TRPM3: variants seen among roughly 807,000 people sequenced by gnomAD.
TRPM3 encodes transient receptor potential cation channel subfamily M member 3.
A neutral mutation model predicts 181.2 loss-of-function variants in TRPM3; 77 were observed. That is an observed-to-expected ratio of 0.42 (90% CI 0.35 to 0.51). The LOEUF is 0.51. Ranked by LOEUF, TRPM3 falls within the 20% of genes least tolerant of loss-of-function variation. TRPM3 has a pLI of 0.01. For synonymous variants in TRPM3, 745 were observed against 796.4 expected (o/e 0.94, Z 1.09); for missense variants, 1,759 against 2,196.7 (o/e 0.80, Z 3.98).
chr9:70,758,621 G>A (rs938608291), intron 8 of TRPM3, among the ~76,000 whole-genome samples: 16 of 152,072 alleles, frequency 1.1e-4, no homozygotes, highest in African/African-American at 3.9e-4. Flanking sequence ...TGGTAGTGGT[G>A]CCAAAACAGA....
intron 1 of TRPM3, among the ~76,000 whole-genome samples, chr9:71,335,466 G>A (rs147846688): frequency 0.037 from 5,623 of 152,032 alleles, 190 homozygotes; most frequent in Admixed American, 0.12. Context: ...AATAGAACAC[G>A]CCCTTATAAT....
intron 1 of TRPM3, among the ~76,000 whole-genome samples, chr9:71,107,971 C>A (rs182331308): frequency 6.6e-6 from 1 of 152,232 alleles, no homozygotes; most frequent in Middle Eastern, 3.4e-3. Context: ...GCTTGTGGAA[C>A]CTTTTGTCAG....
chr9:71,193,894 A>G (rs976404066), intron 1 of TRPM3, among the ~76,000 whole-genome samples: 1 of 151,938 alleles, frequency 6.6e-6, no homozygotes. Flanking sequence ...TGTATCTCAC[A>G]TTTTCATCAT....
intron 1 of TRPM3, among the ~76,000 whole-genome samples, chr9:71,070,649 T>A (rs72731767): frequency 0.069 from 10,455 of 152,270 alleles, 379 homozygotes; most frequent in Middle Eastern, 0.1. Flanking sequence ...TCACTTTTTT[T>A]AAAAATGATG....
chr9:71,297,884 T>A (rs1406297587), intron 1 of TRPM3, among the ~76,000 whole-genome samples: 1 of 152,168 alleles, frequency 6.6e-6, no homozygotes, highest in Non-Finnish European at 1.5e-5. Flanking sequence ...TTAGCATGCC[T>A]GTAATGTAAT....
chr9:70,541,480 T>G (rs1212619174), intron 25 of TRPM3, among the ~76,000 whole-genome samples: 2 of 151,522 alleles, frequency 1.3e-5, no homozygotes, highest in African/African-American at 2.4e-5. Context: ...TACCTGTGTT[T>G]GTTTCATAAC....
intron 1 of TRPM3, among the ~76,000 whole-genome samples, chr9:71,191,772 A>G (rs1334005602): frequency 4.3e-5 from 6 of 138,156 alleles, no homozygotes; most frequent in Non-Finnish European, 7.8e-5. Flanking sequence ...CAGAGTCCCT[A>G]AAGAAACAAC....
chr9:70,618,818 CCCA>C, intron 17 of TRPM3, 46 bp downstream of exon 17: 1 of 1,546,844 alleles, frequency 6.5e-7, no homozygotes, highest in Non-Finnish European at 8.8e-7. Flanking sequence ...AAAACTCTAA[CCCA>C]CCCGCCGGTC....
At position 70,987,116 on chromosome 9, in the gene TRPM3, A is replaced by G. The variant is rs529193750; in HGVS notation, c.178-122605T>C. 6.0e-4 allele frequency among the ~76,000 whole-genome samples: 91 copies of G among 152,260 alleles called. No individual in the cohort carries two copies. In the Middle Eastern group the frequency reaches 0.01, roughly 17 times the overall value. ...GTAATGTATTATTTATCTCTTCCAG[A>G]AAGTTCTACAGTGGAACTCTATCAT... On this transcript the variant is annotated intron_variant, in intron 1 of 25. Transcript: ENST00000677713.
intron 1 of TRPM3, among the ~76,000 whole-genome samples, chr9:70,951,082 T>TA (rs200327777): frequency 0.012 from 1,824 of 152,238 alleles, 42 homozygotes; most frequent in African/African-American, 0.042. Flanking sequence ...TTAAAGGGTA[T>TA]AGTGACAGAA....
chr9:70,924,913 G>A (rs1464569840), intron 1 of TRPM3, among the ~76,000 whole-genome samples: 1 of 152,152 alleles, frequency 6.6e-6, no homozygotes, highest in Non-Finnish European at 1.5e-5. Context: ...TCAAGATGAA[G>A]GAGAAAGAAA....
rs145762618 is a variant in TRPM3, at chr9:70,567,516, AT to A, written c.3224-14207del. ...TGGTGACATGTCAAATCTAACCTAC[AT>A]TTTTTTTTAAATATGGCCATCACAT... is the stretch of plus-strand genomic sequence containing the variant. On this transcript the variant is annotated intron_variant, in intron 22 of 25. Coordinates refer to ENST00000677713, the MANE Select transcript of TRPM3 (RefSeq NM_001366145.2). 0.014 allele frequency among the ~76,000 whole-genome samples: 2,087 copies of A among 151,856 alleles called. 99 individuals are homozygous for A. The East Asian group carries it at 0.16, about 11-fold the overall frequency.
At chr9:71,045,641 G>A (rs1464096274) in intron 1 of TRPM3, among the ~76,000 whole-genome samples, 3 of 152,156 alleles carry the variant, frequency 2.0e-5, no homozygotes, top group East Asian at 1.9e-4. Flanking sequence ...ATGCAGACAA[G>A]AAATTTTTGA....
At chr9:70,811,870 T>C (rs1438631656) in intron 6 of TRPM3, among the ~76,000 whole-genome samples, 1 of 152,200 alleles carries the variant, frequency 6.6e-6, no homozygotes, top group Non-Finnish European at 1.5e-5. Context: ...ATATTATTAA[T>C]TGGACTGATT....
intron 1 of TRPM3, among the ~76,000 whole-genome samples, chr9:71,170,460 C>A (rs1337389944): frequency 1.3e-5 from 2 of 152,168 alleles, no homozygotes; most frequent in African/African-American, 2.4e-5. Context: ...CATTAAGCTT[C>A]ATTTCTTTTA....
At chr9:71,179,526 T>C (rs775159481) in intron 1 of TRPM3, among the ~76,000 whole-genome samples, 8 of 152,166 alleles carry the variant, frequency 5.3e-5, no homozygotes, top group Non-Finnish European at 1.0e-4. Flanking sequence ...AGAGTCACTA[T>C]TGGCTGGTGA....
chr9:70,943,051 T>C (rs2133581165), intron 1 of TRPM3, among the ~76,000 whole-genome samples: 1 of 151,982 alleles, frequency 6.6e-6, no homozygotes, highest in South Asian at 2.1e-4. Context: ...TCTATGTAAG[T>C]TCCATTGCTT....
chr9:70,666,641 G>A (rs2061888388), intron 9 of TRPM3, among the ~76,000 whole-genome samples: 1 of 151,966 alleles, frequency 6.6e-6, no homozygotes, highest in East Asian at 1.9e-4. Context: ...TTTGCATGTG[G>A]CCCACTTTTT....
rs2097220392 is a variant in TRPM3, at chr9:70,969,756, T to TTATATATATAATATATATA, written c.178-105246_178-105245insTATATATATTATATATATA. Among the ~76,000 whole-genome samples the TTATATATATAATATATATA allele has an allele frequency of 3.9e-5, 5 of 126,586 alleles. 1 individual carries two copies. Among genetic ancestry groups the TTATATATATAATATATATA allele is most frequent in the Non-Finnish European group, 8.6e-5 (5 of 58,190 alleles). 83.0% of individuals were successfully genotyped at this position (126,586 alleles called of 152,430 possible). On this transcript the variant is annotated intron_variant, in intron 1 of 25. Transcript: ENST00000677713. ...GGATTGTTGTGAAGACTGAATGATT[T>TTATATATATAATATATATA]TATATATATATATATATATATATAC... is the stretch of plus-strand genomic sequence containing the variant.
Sources: gnomAD v4.1 joint callset for allele counts (sites outside exome capture counted in the v4.1 genomes callset) on GRCh38, gnomAD v4.1.1 for gene constraint, MANE v1.5 for transcripts, NCBI Gene and HGNC (gene_info 2026-07-23, HGNC 2026-07-21) for gene names.